Variants in ROBO2 observed in about 807,000 individuals in gnomAD.
The protein encoded by ROBO2 is roundabout guidance receptor 2.
A neutral mutation model predicts 160.8 loss-of-function variants in ROBO2; 53 were observed. That is an observed-to-expected ratio of 0.33 (90% CI 0.26 to 0.41). The LOEUF (loss-of-function observed/expected upper bound fraction) is 0.41. Ranked by LOEUF, ROBO2 falls within the 10% of genes least tolerant of loss-of-function variation. The pLI is 1.00. For missense variants in ROBO2, 1,577 were observed against 1,722.4 expected, an observed-to-expected ratio of 0.92 and a Z score of 1.49; for synonymous variants, 664 against 611.7, an observed-to-expected ratio of 1.09 and a Z score of -1.26.
intron 2 of ROBO2, among the ~76,000 whole-genome samples, chr3:76,034,509 G>C (rs1221732967): frequency 2.0e-5 from 3 of 152,210 alleles, no homozygotes; most frequent in Admixed American, 6.5e-5. Flanking sequence ...GAACAAAGTT[G>C]AAAGTATGTT....
intron 2 of ROBO2, among the ~76,000 whole-genome samples, chr3:76,813,579 A>C (rs972852184): frequency 6.6e-5 from 10 of 152,162 alleles, no homozygotes; most frequent in Non-Finnish European, 1.3e-4. Context: ...CGAAGTAACT[A>C]TTCCCAAATT....
chr3:77,026,446 T>C (rs1168395143), intron 2 of ROBO2, among the ~76,000 whole-genome samples: 1 of 152,166 alleles, frequency 6.6e-6, no homozygotes, highest in East Asian at 1.9e-4. Flanking sequence ...AATACAAGCA[T>C]GATGGGTTAG....
intron 2 of ROBO2, among the ~76,000 whole-genome samples, chr3:76,134,177 C>T (rs1263840759): frequency 2.6e-5 from 4 of 152,138 alleles, no homozygotes; most frequent in Non-Finnish European, 5.9e-5. Context: ...TAGCCTTATA[C>T]TTCTGATGTA....
intron 2 of ROBO2, among the ~76,000 whole-genome samples, chr3:76,237,098 CTGAA>C (rs1396695866): frequency 6.6e-6 from 1 of 151,844 alleles, no homozygotes; most frequent in Non-Finnish European, 1.5e-5. Context: ...AAATATTTTA[CTGAA>C]TGAATGAGTG....
intron 2 of ROBO2, among the ~76,000 whole-genome samples, chr3:77,319,559 A>G (rs982100794): frequency 2.0e-5 from 3 of 152,200 alleles, no homozygotes; most frequent in Non-Finnish European, 4.4e-5. Context: ...ACTTTATACT[A>G]CAATTGAGTG....
At chr3:76,339,889 A>G (rs1243817027) in intron 2 of ROBO2, among the ~76,000 whole-genome samples, 1 of 152,128 alleles carries the variant, frequency 6.6e-6, no homozygotes, top group African/African-American at 2.4e-5. Context: ...ATATTAACAT[A>G]TATATGTGTA....
chr3:77,254,401 G>A (rs1285002681), intron 2 of ROBO2, among the ~76,000 whole-genome samples: 1 of 151,836 alleles, frequency 6.6e-6, no homozygotes, highest in Non-Finnish European at 1.5e-5. Flanking sequence ...AGTAAACAGA[G>A]GAAGCAGCTT....
chr3:76,658,023 T>C (rs13326358), intron 2 of ROBO2, among the ~76,000 whole-genome samples: 17,186 of 147,524 alleles, frequency 0.12, 1,208 homozygotes, highest in African/African-American at 0.2. Context: ...GCCATTATTA[T>C]GCCACGGCAC....
intron 2 of ROBO2, among the ~76,000 whole-genome samples, chr3:77,409,618 A>G (rs1249147177): frequency 6.6e-6 from 1 of 152,078 alleles, no homozygotes; most frequent in Non-Finnish European, 1.5e-5. Flanking sequence ...TAGCTGTTTC[A>G]TTTACAGATT....
In ROBO2 at chr3:76,041,739, T is replaced by C. The variant is rs181590530; in HGVS notation, c.109+104137T>C. 8.2e-4 allele frequency among the ~76,000 whole-genome samples: 125 copies of C among 152,138 alleles called. 2 individuals carry two copies. Among genetic ancestry groups the C allele is most frequent in the Admixed American group, 5.8e-3 (88 of 15,280 alleles). On this transcript the variant is annotated intron_variant, in intron 2 of 26. Coordinates refer to the ROBO2 transcript ENST00000487694. ...TTATCTGACTTGGGTTTGAAAATTA[T>C]AAGGTCATTCTATTGGCATTTATTT...
intron 2 of ROBO2, among the ~76,000 whole-genome samples, chr3:77,224,875 G>C (rs548260081): frequency 2.0e-5 from 3 of 150,626 alleles, no homozygotes; most frequent in African/African-American, 7.4e-5. Flanking sequence ...GCTGATAGTG[G>C]ATGATAAGAC....
intron 2 of ROBO2, among the ~76,000 whole-genome samples, chr3:76,689,053 A>G (rs1395474796): frequency 2.0e-5 from 3 of 152,084 alleles, no homozygotes; most frequent in African/African-American, 4.8e-5. Flanking sequence ...AAAATAATAC[A>G]TAATGTTAAA....
chr3:76,435,838 TAGC>T (rs527911789), intron 2 of ROBO2, among the ~76,000 whole-genome samples: 359 of 152,298 alleles, frequency 2.4e-3, no homozygotes, highest in Middle Eastern at 6.8e-3. Context: ...AGCATGAAGG[TAGC>T]AGAAGCTGGT....
At chr3:77,128,537 T>C (rs568636760) in intron 2 of ROBO2, among the ~76,000 whole-genome samples, 1 of 152,332 alleles carries the variant, frequency 6.6e-6, no homozygotes, top group South Asian at 2.1e-4. Flanking sequence ...TTTTGCACGT[T>C]TTTGTGTGTA....
intron 2 of ROBO2, among the ~76,000 whole-genome samples, chr3:76,639,942 A>G (rs554669729): frequency 6.6e-6 from 1 of 152,108 alleles, no homozygotes; most frequent in Non-Finnish European, 1.5e-5. Flanking sequence ...TATAAAGCTA[A>G]AGACTAAAAT....
intron 16 of ROBO2, among the ~76,000 whole-genome samples, chr3:77,586,496 T>G (rs2094052838): frequency 6.6e-6 from 1 of 152,156 alleles, no homozygotes; most frequent in Non-Finnish European, 1.5e-5. Flanking sequence ...TATTTCATTA[T>G]ATTTTTTTGT....
intron 2 of ROBO2, among the ~76,000 whole-genome samples, chr3:76,114,929 T>A (rs994038305): frequency 4.6e-5 from 7 of 152,130 alleles, no homozygotes; most frequent in Admixed American, 4.6e-4. Flanking sequence ...AAGGTGAGAT[T>A]GCTCTTGAAT....
Position 76,066,199 on chromosome 3 carries a change from C to T in ROBO2, c.109+128597C>T, listed in dbSNP as rs560501395. On this transcript the variant is annotated intron_variant, in intron 2 of 26. Coordinates refer to the ROBO2 transcript ENST00000487694. ...ATGAATCATATTATATTTATCATAT[C>T]ACACAATAAATAGCATGACATGCTA... 4.6e-5 allele frequency among the ~76,000 whole-genome samples: 7 copies of T among 152,138 alleles called. No homozygotes were observed. In the East Asian group the frequency reaches 1.4e-3, roughly 29 times the overall value.
chr3:76,678,015 G>C (rs1011147676), intron 2 of ROBO2, among the ~76,000 whole-genome samples: 4 of 107,046 alleles, frequency 3.7e-5, no homozygotes, highest in African/African-American at 1.1e-4. Context: ...TTGTCACTCA[G>C]GCTGGCGTGC....
Sources: allele counts gnomAD v4.1 joint callset (sites outside exome capture counted in the v4.1 genomes callset), GRCh38; gene constraint gnomAD v4.1.1; transcripts MANE v1.5; gene names NCBI Gene and HGNC (gene_info 2026-07-23, HGNC 2026-07-21).